TAX1BP1: variants seen among roughly 807,000 people sequenced by gnomAD.
The protein encoded by TAX1BP1 is Tax1 binding protein 1, also known as tax1-binding protein 1.
In TAX1BP1, 62 loss-of-function variants were observed where a neutral mutation model predicts 97.7. The observed-to-expected ratio is 0.63, with a 90% CI of 0.52 to 0.78. The LOEUF is 0.78. Among genes scored for constraint, TAX1BP1 ranks in the 30% least tolerant of loss-of-function variants. The pLI, the probability that TAX1BP1 is intolerant of heterozygous loss-of-function variation, is 0.00. For synonymous variants in TAX1BP1, 340 were observed against 304.2 expected, an observed-to-expected ratio of 1.12 and a Z score of -1.23; for missense variants, 867 against 916.1, an observed-to-expected ratio of 0.95 and a Z score of 0.69.
At chr7:27,789,130 T>C (rs530011332) in intron 8 of TAX1BP1, among the ~76,000 whole-genome samples, 7 of 152,194 alleles carry the variant, frequency 4.6e-5, no homozygotes, top group South Asian at 4.1e-4. Context: ...ATGTACTAAA[T>C]AAAGCTAAGG....
At chr7:27,742,098 C>T (rs979933635) in intron 1 of TAX1BP1, among the ~76,000 whole-genome samples, 1 of 152,146 alleles carries the variant, frequency 6.6e-6, no homozygotes, top group African/African-American at 2.4e-5. Context: ...TATACTGAGA[C>T]ATTCCATGCC....
rs368948188 is a variant in TAX1BP1 at position 27,821,224 on chromosome 7, G to A, written c.2085+4186G>A. Reference sequence around the variant, plus strand: ...ATATTCACTTTTCTATACCATATTAGTATAATACCTTTCATATAGTAGAGG... The same window carrying A: ...ATATTCACTTTTCTATACCATATTAATATAATACCTTTCATATAGTAGAGG... On this transcript the variant is annotated intron_variant, in intron 15 of 16. Transcript: ENST00000396319. 1.8e-4 allele frequency among the ~76,000 whole-genome samples: 27 copies of A among 152,176 alleles called. No homozygotes were observed. In the East Asian group the frequency reaches 3.9e-3, roughly 22 times the overall value.
At chr7:27,749,038 T>C (rs751454502) in intron 2 of TAX1BP1, among the ~76,000 whole-genome samples, 14 of 152,370 alleles carry the variant, frequency 9.2e-5, no homozygotes, top group Non-Finnish European at 1.6e-4. Flanking sequence ...ATTAATTTTA[T>C]ACAGCTTGAC....
At chr7:27,818,146 C>G (rs2128325406) in intron 15 of TAX1BP1, among the ~76,000 whole-genome samples, 1 of 152,274 alleles carries the variant, frequency 6.6e-6, no homozygotes, top group East Asian at 1.9e-4. Flanking sequence ...ACAAGCCCTT[C>G]TCTTCCGTAG....
At chr7:27,794,235 T>C (rs1370820268) in intron 10 of TAX1BP1, 88 bp from the exon 11 acceptor site, 4 of 1,166,456 alleles carry the variant, frequency 3.4e-6, no homozygotes, top group Non-Finnish European at 3.5e-6. Context: ...TAAAGTAATA[T>C]GTAAAAATAT....
At chr7:27,763,180 A>T (rs749226762) in intron 3 of TAX1BP1, among the ~76,000 whole-genome samples, 15 of 152,216 alleles carry the variant, frequency 9.9e-5, no homozygotes, top group Non-Finnish European at 1.6e-4. Flanking sequence ...TGGATGAGTA[A>T]TGAGAATCCT....
At chr7:27,762,276 TAATAA>T (rs1171997671) in intron 3 of TAX1BP1, among the ~76,000 whole-genome samples, 2 of 152,254 alleles carry the variant, frequency 1.3e-5, no homozygotes, top group Admixed American at 6.5e-5. Context: ...CTTTTTTAGA[TAATAA>T]AATTTAGGTG....
chr7:27,753,800 A>G (rs571052887), intron 2 of TAX1BP1, among the ~76,000 whole-genome samples: 1 of 152,314 alleles, frequency 6.6e-6, no homozygotes, highest in South Asian at 2.1e-4. Context: ...TCTCACTCTC[A>G]AAATATTAAA....
chr7:27,776,609 G>A (rs1789041023), intron 5 of TAX1BP1, among the ~76,000 whole-genome samples: 1 of 151,734 alleles, frequency 6.6e-6, no homozygotes, highest in South Asian at 2.1e-4. Flanking sequence ...ATTATGTTGT[G>A]TCCTCTTTAT....
chr7:27,777,568 C>G (rs1472105507), intron 5 of TAX1BP1, among the ~76,000 whole-genome samples: 3 of 152,138 alleles, frequency 2.0e-5, no homozygotes, highest in Admixed American at 6.6e-5. Flanking sequence ...GGTTAATTTC[C>G]TCACACGCAT....
chr7:27,746,777 A>T (rs1027512276), intron 1 of TAX1BP1, among the ~76,000 whole-genome samples: 2 of 151,966 alleles, frequency 1.3e-5, no homozygotes, highest in Non-Finnish European at 2.9e-5. Context: ...CTAGCCTGAT[A>T]CTCTACAGTG....
upstream of TAX1BP1, chr7:27,739,766 T>C (rs1787494175): frequency 6.6e-6 from 1 of 152,242 alleles, no homozygotes; most frequent in Non-Finnish European, 1.5e-5. Context: ...TCTCTGGCTA[T>C]TTCCTTATCT....
chr7:27,802,205 A>C (rs1790164894), intron 13 of TAX1BP1, among the ~76,000 whole-genome samples: 1 of 152,230 alleles, frequency 6.6e-6, no homozygotes, highest in South Asian at 2.1e-4. Context: ...TTCTGTTAAG[A>C]ATGTTCTAGG....
rs925665089 is a variant in TAX1BP1, at chr7:27,790,836, A to G, written c.1039-1170A>G. The stretch of plus-strand genomic sequence containing the variant: ...TGAATGTGCCAGTTGCCCTAAACCC[A>G]TGCAAATATTGGAATGTTACTGTTT... On this transcript the variant is annotated intron_variant, in intron 8 of 16. Coordinates refer to ENST00000396319, the MANE Select transcript of TAX1BP1 (RefSeq NM_006024.7). Among the ~76,000 whole-genome samples the G allele has an allele frequency of 2.0e-5, 3 of 152,126 alleles. No individual in the cohort carries two copies. In the East Asian group the frequency reaches 5.8e-4, roughly 29 times the overall value.
chr7:27,780,839 A>G (rs1789226680), intron 5 of TAX1BP1, among the ~76,000 whole-genome samples: 4 of 152,268 alleles, frequency 2.6e-5, no homozygotes, highest in African/African-American at 7.2e-5. Flanking sequence ...ATATATTTAT[A>G]TACTTTTAAA....
At chr7:27,816,548 T>A in intron 14 of TAX1BP1, 28 bp downstream of exon 14, 1 of 1,503,758 alleles carries the variant, frequency 6.7e-7, no homozygotes, top group Non-Finnish European at 8.8e-7. Flanking sequence ...GGTTTGGGAT[T>A]AGCTGCATCT....
intron 5 of TAX1BP1, chr7:27,772,263 G>C (rs973120252): frequency 6.6e-6 from 1 of 151,702 alleles, no homozygotes; most frequent in African/African-American, 2.4e-5. Flanking sequence ...CTGGTTGGAT[G>C]GCTTATAAAA....
chr7:27,790,275 CTG>C (rs1789655474), intron 8 of TAX1BP1, among the ~76,000 whole-genome samples: 1 of 151,820 alleles, frequency 6.6e-6, no homozygotes, highest in Non-Finnish European at 1.5e-5. Flanking sequence ...CATTTAACAA[CTG>C]TGTAGTATAT....
chr7:27,791,701 G>T (rs1430432446), intron 8 of TAX1BP1, among the ~76,000 whole-genome samples: 1 of 152,148 alleles, frequency 6.6e-6, no homozygotes, highest in Admixed American at 6.5e-5. Flanking sequence ...TGGGGGATGG[G>T]ATCTTTTGTT....
Sources: allele counts gnomAD v4.1 joint callset (sites outside exome capture counted in the v4.1 genomes callset), GRCh38; gene constraint gnomAD v4.1.1; transcripts MANE v1.5; gene names NCBI Gene and HGNC (gene_info 2026-07-23, HGNC 2026-07-21).